ASPRV1: variants seen among roughly 807,000 people sequenced by gnomAD.
ASPRV1 encodes aspartic peptidase retroviral like 1, also known as retroviral-like aspartic protease 1.
In ASPRV1, 7 loss-of-function variants were observed where a neutral mutation model predicts 11.0. The ratio of observed to expected loss-of-function variants is 0.64; its 90% CI spans 0.36 to 1.20. The LOEUF is 1.20. ASPRV1 is among the 50% of genes most tolerant of loss of function. ASPRV1 has a pLI of 0.02. For missense variants in ASPRV1, 299 were observed against 320.0 expected (o/e 0.93, Z 0.50); for synonymous variants, 136 against 138.4 (o/e 0.98, Z 0.12).
At position 69,961,116 on chromosome 2, in the gene ASPRV1, G is replaced by T. The variant is rs201753195; in HGVS notation, c.321C>A (p.Ser107Arg). 5.6e-6 allele frequency: 9 copies of T among 1,613,982 alleles called. No homozygotes were observed. In the African/African-American group the frequency reaches 1.2e-4, roughly 22 times the overall value. The change falls in exon 1 of 1, where the codon AGC (serine) becomes AGA (arginine). Residue 107 changes from serine (S) to arginine (R), a missense_variant. Physicochemically the swap from Ser to Arg is moderately radical, Grantham distance 110. Coordinates refer to ENST00000320256, the MANE Select transcript of ASPRV1 (RefSeq NM_152792.4). ...CCTTGAGATAGTAGCCCTTACCCATGCTGTTGGCAAAGACGATCTCTTTGG... is the reference window on the plus strand; with the variant it reads ...CCTTGAGATAGTAGCCCTTACCCATTCTGTTGGCAAAGACGATCTCTTTGG... ...HLPKEIVFAN[S>R]MGKGYYLKGK...
chr2:70,000,047 T>C, the ASPRV1 span, among the ~76,000 whole-genome samples: 1 of 152,230 alleles, frequency 6.6e-6, no homozygotes, highest in Non-Finnish European at 1.5e-5. Context: ...CTGGCCTCCC[T>C]GCTTCGAGTC....
chr2:70,052,003 T>C, the ASPRV1 span, among the ~76,000 whole-genome samples: 3 of 152,124 alleles, frequency 2.0e-5, no homozygotes, highest in Non-Finnish European at 4.4e-5. Flanking sequence ...ACACTCATTC[T>C]ATGATATAGA....
chr2:70,004,141 T>C, the ASPRV1 span, among the ~76,000 whole-genome samples: 3 of 152,198 alleles, frequency 2.0e-5, no homozygotes, highest in South Asian at 4.1e-4. Context: ...AAGGCTCCAA[T>C]TCTTGGAGGA....
At chr2:70,047,235 C>T in the ASPRV1 span, among the ~76,000 whole-genome samples, 1 of 152,110 alleles carries the variant, frequency 6.6e-6, no homozygotes, top group Non-Finnish European at 1.5e-5. Flanking sequence ...GGATCTAAAG[C>T]CAAAGGTCTA....
At chr2:70,055,294 C>A in the ASPRV1 span, among the ~76,000 whole-genome samples, 4 of 152,036 alleles carry the variant, frequency 2.6e-5, no homozygotes, top group African/African-American at 9.7e-5. Flanking sequence ...GGCGACAGAG[C>A]AAGACTCCGT....
the ASPRV1 span, among the ~76,000 whole-genome samples, chr2:69,981,557 T>C: frequency 6.6e-6 from 1 of 152,176 alleles, no homozygotes; most frequent in Non-Finnish European, 1.5e-5. Flanking sequence ...TTCTTTGTTG[T>C]TGTTGTTTGT....
chr2:70,024,907 G>A, the ASPRV1 span, among the ~76,000 whole-genome samples: 1 of 152,146 alleles, frequency 6.6e-6, no homozygotes, highest in South Asian at 2.1e-4. Flanking sequence ...AGGAAGGGAA[G>A]GGTATGCAGT....
the ASPRV1 span, among the ~76,000 whole-genome samples, chr2:70,071,423 T>G: frequency 7.2e-4 from 110 of 152,292 alleles, no homozygotes; most frequent in African/African-American, 2.4e-3. Context: ...TGTATTACAT[T>G]TATTCTGTAT....
the ASPRV1 span, among the ~76,000 whole-genome samples, chr2:70,073,787 C>T: frequency 6.2e-3 from 948 of 152,124 alleles, 9 homozygotes; most frequent in African/African-American, 0.022. Flanking sequence ...TTCAGGGAGA[C>T]GGCTCATCCC....
At chr2:69,979,523 G>C in the ASPRV1 span, among the ~76,000 whole-genome samples, 1 of 152,150 alleles carries the variant, frequency 6.6e-6, no homozygotes, top group Non-Finnish European at 1.5e-5. Flanking sequence ...CTCTGGGAGG[G>C]GCAGGACACA....
chr2:70,077,129 G>C, the ASPRV1 span, among the ~76,000 whole-genome samples: 2 of 152,132 alleles, frequency 1.3e-5, no homozygotes, highest in African/African-American at 4.8e-5. Flanking sequence ...GAATCATATG[G>C]TTGTCAGAAG....
the ASPRV1 span, among the ~76,000 whole-genome samples, chr2:70,057,503 G>A: frequency 6.6e-6 from 1 of 151,142 alleles, no homozygotes; most frequent in African/African-American, 2.4e-5. Context: ...TTTTGAAACA[G>A]GATCTTGCTC....
At chr2:70,067,480 C>T in the ASPRV1 span, among the ~76,000 whole-genome samples, 3 of 152,292 alleles carry the variant, frequency 2.0e-5, no homozygotes, top group Non-Finnish European at 2.9e-5. Flanking sequence ...ACTGGAAATA[C>T]CTTAATGTCT....
the ASPRV1 span, among the ~76,000 whole-genome samples, chr2:70,007,961 G>A: frequency 5.2e-4 from 79 of 151,942 alleles, no homozygotes; most frequent in Non-Finnish European, 8.2e-4. Flanking sequence ...TCAGTCTCCC[G>A]AGTAGCTGGG....
the ASPRV1 span, chr2:70,012,282 G>C: frequency 5.9e-4 from 89 of 152,010 alleles, no homozygotes; most frequent in African/African-American, 2.0e-3. Context: ...AGCCTCCCGA[G>C]TAGCTGGGAC....
At chr2:70,008,822 C>A in the ASPRV1 span, among the ~76,000 whole-genome samples, 1 of 151,988 alleles carries the variant, frequency 6.6e-6, no homozygotes, top group Non-Finnish European at 1.5e-5. Flanking sequence ...GAGGACAGGG[C>A]TAAAAGGGTT....
chr2:70,084,093 G>C, the ASPRV1 span, among the ~76,000 whole-genome samples: 1 of 152,296 alleles, frequency 6.6e-6, no homozygotes, highest in South Asian at 2.1e-4. Flanking sequence ...GAGGCTAAGA[G>C]CTGGGGAAGC....
the ASPRV1 span, chr2:70,051,354 C>T: frequency 6.6e-6 from 1 of 152,160 alleles, no homozygotes. Context: ...TTATTAAAAA[C>T]ATGGGAAAAC....
chr2:70,023,307 G>C, the ASPRV1 span, among the ~76,000 whole-genome samples: 6 of 152,156 alleles, frequency 3.9e-5, no homozygotes, highest in Non-Finnish European at 8.8e-5. Flanking sequence ...AAGCAGGTGG[G>C]GACATTTTTT....
Sources: allele counts gnomAD v4.1 joint callset (sites outside exome capture counted in the v4.1 genomes callset), GRCh38; gene constraint gnomAD v4.1.1; transcripts MANE v1.5; gene names NCBI Gene and HGNC (gene_info 2026-07-23, HGNC 2026-07-21).